FGD3: variants seen among roughly 807,000 people sequenced by gnomAD.
FGD3 encodes the protein FYVE, RhoGEF and PH domain containing 3.
FGD3 carries 45 observed loss-of-function variants against 71.8 expected under a neutral mutation model. The observed-to-expected ratio is 0.63, with a 90% CI of 0.49 to 0.80. The LOEUF (loss-of-function observed/expected upper bound fraction) is 0.80, where lower values mean the gene tolerates loss of function less well. Among genes scored for constraint, FGD3 ranks in the 30% least tolerant of loss-of-function variants. The pLI, the probability that FGD3 is intolerant of heterozygous loss-of-function variation, is 0.00. For missense variants in FGD3, 844 were observed against 951.5 expected, an observed-to-expected ratio of 0.89 and a Z score of 1.49; for synonymous variants, 378 against 392.8, an observed-to-expected ratio of 0.96 and a Z score of 0.44.
chr9:93,035,384 G>A lies in FGD3; in HGVS notation c.1973G>A (p.Ser658Asn), dbSNP rs1444269728. The A allele has an allele frequency of 2.5e-6, 4 of 1,611,046 alleles. No homozygotes were observed. Among genetic ancestry groups the A allele is most frequent in the Admixed American group, 3.4e-5 (2 of 59,684 alleles). The change falls in exon 18 of 18, where the codon AGT (serine) becomes AAT (asparagine). Residue 658 changes from serine (S) to asparagine (N), a missense_variant. Transcript: ENST00000375482. The part of the protein sequence containing the change: ...RTIPLPSCKL[S>N]VPDPEERLDS... ...ATCCCTCTCCCCAGCTGCAAACTGA[G>A]TGTGCCGGACCCTGAGGAGAGGCTG...
At chr9:92,971,135 G>C (rs1859513134) in intron 1 of FGD3, among the ~76,000 whole-genome samples, 1 of 152,182 alleles carries the variant, frequency 6.6e-6, no homozygotes, top group Admixed American at 6.5e-5. Flanking sequence ...TAAAGACCCT[G>C]TCTCCAAACA....
chr9:92,983,915 A>G (rs569929651), intron 3 of FGD3, among the ~76,000 whole-genome samples: 2 of 152,332 alleles, frequency 1.3e-5, no homozygotes, highest in African/African-American at 4.8e-5. Context: ...TGCTTTCCCT[A>G]CACATCTTGC....
chr9:93,010,761 T>C (rs1861309430), intron 7 of FGD3, among the ~76,000 whole-genome samples: 1 of 150,898 alleles, frequency 6.6e-6, no homozygotes, highest in South Asian at 2.1e-4. Context: ...GTGAGCCCCC[T>C]AGCAGCCCAG....
chr9:93,012,692 TGTG>T (rs1861470372), intron 8 of FGD3, among the ~76,000 whole-genome samples: 1 of 117,022 alleles, frequency 8.5e-6, no homozygotes, highest in Non-Finnish European at 1.9e-5. Flanking sequence ...GGTGGCGGGG[TGTG>T]GGGGGGGGAA....
At chr9:93,012,195 A>G (rs1038541990) in intron 8 of FGD3, among the ~76,000 whole-genome samples, 2 of 152,292 alleles carry the variant, frequency 1.3e-5, no homozygotes, top group African/African-American at 2.4e-5. Context: ...CCAGGGGGAA[A>G]AAAAGGAATT....
intron 1 of FGD3, among the ~76,000 whole-genome samples, chr9:92,963,154 G>A (rs1042732877): frequency 7.9e-5 from 12 of 152,088 alleles, no homozygotes; most frequent in Non-Finnish European, 1.6e-4. Context: ...ACTGTGTCCT[G>A]AGCCTCAGTT....
intron 8 of FGD3, among the ~76,000 whole-genome samples, chr9:93,012,511 G>A (rs905732634): frequency 2.0e-5 from 3 of 152,220 alleles, no homozygotes; most frequent in South Asian, 2.1e-4. Flanking sequence ...AAGGCCAGGC[G>A]TGGTGGCTCA....
chr9:93,015,449 T>G (rs1233173944), intron 9 of FGD3, among the ~76,000 whole-genome samples: 1 of 151,592 alleles, frequency 6.6e-6, no homozygotes, highest in Non-Finnish European at 1.5e-5. Flanking sequence ...AGAGCAAGAC[T>G]CCATCTCAAA....
At chr9:92,987,713 GC>G (rs1860244105) in intron 3 of FGD3, among the ~76,000 whole-genome samples, 2 of 152,190 alleles carry the variant, frequency 1.3e-5, no homozygotes, top group African/African-American at 2.4e-5. Flanking sequence ...CTGTCTGCAT[GC>G]CCAGTGGCCC....
chr9:93,003,005 G>A lies in FGD3; in HGVS notation c.534G>A (p.Leu178=), dbSNP rs1245569818. 6.2e-7 allele frequency: 1 copy of A among 1,614,048 alleles called. No individual in the cohort carries two copies. Among genetic ancestry groups the A allele is most frequent in the Non-Finnish European group, 8.5e-7 (1 of 1,180,042 alleles). ...AGACCTATGTGAAGCGGCTGCACCT[G>A]CTGGACCAGGTAGCCCACATGGCTT... ...TEETYVKRLH[L]LDQVFCTRLT... Residue 178 remains leucine (L), a synonymous_variant, in exon 4 of 18, where the codon CTG becomes CTA. Coordinates refer to ENST00000375482, the MANE Select transcript of FGD3 (RefSeq NM_001083536.2). This position sits in a 1 kb window ranked among gnomAD's most constrained non-coding sequence, Gnocchi z 4.1.
At chr9:92,965,407 C>A (rs1311229012) in intron 1 of FGD3, among the ~76,000 whole-genome samples, 1 of 152,240 alleles carries the variant, frequency 6.6e-6, no homozygotes, top group Non-Finnish European at 1.5e-5. Context: ...AGCCCCAGTA[C>A]AAATCTTCAC....
chr9:92,965,795 C>T (rs149025857), intron 1 of FGD3, among the ~76,000 whole-genome samples: 20 of 152,320 alleles, frequency 1.3e-4, no homozygotes, highest in East Asian at 7.7e-4. Flanking sequence ...GGTGCATGTG[C>T]TGGGAGCTCC....
In FGD3 at chr9:93,006,019, C is replaced by T. The variant is rs367684884; in HGVS notation, c.681-5C>T. 1.8e-5 allele frequency: 29 copies of T among 1,591,864 alleles called. No individual in the cohort carries two copies. Among genetic ancestry groups the T allele is most frequent in the Middle Eastern group, 1.7e-4 (1 of 6,002 alleles). On this transcript the variant is annotated splice_polypyrimidine_tract_variant and splice_region_variant and intron_variant, in intron 5 of 17. Transcript: ENST00000375482. ...ATTTCTCTGATGATTCATTTCTCCA[C>T]GAAGGGACACAAACCCACGGCTCGG...
rs752788836 is a variant in FGD3, at chr9:92,949,195, AG to A, written c.-218+1469del. On this transcript the variant is annotated intron_variant, in intron 1 of 17. Coordinates refer to ENST00000375482, the MANE Select transcript of FGD3 (RefSeq NM_001083536.2). ...CTGTCACCATGAAGCACATGTGCTG[AG>A]GGACTGGTGCCTGGAAAGGGGAGCA... is the stretch of plus-strand genomic sequence containing the variant. Among the ~76,000 whole-genome samples, 114 of 152,258 alleles carry A rather than the reference AG, an allele frequency of 7.5e-4. 1 individual carries two copies. The highest frequency in any genetic ancestry group is 1.0e-3 in the Non-Finnish European group (68 of 68,010).
chr9:92,976,641 G>T lies in FGD3; in HGVS notation c.385G>T (p.Asp129Tyr). 6.2e-7 allele frequency: 1 copy of T among 1,612,578 alleles called. No individual in the cohort carries two copies. Residue 129 changes from aspartate to tyrosine, a missense_variant, in exon 3 of 18, where the codon GAC becomes TAC. Physicochemically the swap from Asp to Tyr is radical, Grantham distance 160 (BLOSUM62 -3). Transcript: ENST00000375482. ...KVTPQEEADS[D>Y]VGEEPDSENT... Reference sequence around the variant, plus strand: ...CACCCCCCAGGAGGAGGCGGACAGCGACGTGGGTGAGGAACCTGACTCTGA... The same window carrying T: ...CACCCCCCAGGAGGAGGCGGACAGCTACGTGGGTGAGGAACCTGACTCTGA...
chr9:93,030,918 G>A (rs952859463), intron 15 of FGD3, among the ~76,000 whole-genome samples: 3 of 152,108 alleles, frequency 2.0e-5, no homozygotes, highest in African/African-American at 7.2e-5. Flanking sequence ...AATGGAAGTG[G>A]ATATATAGGA....
intron 3 of FGD3, among the ~76,000 whole-genome samples, chr9:92,978,597 C>T (rs534094397): frequency 1.7e-3 from 255 of 152,094 alleles, no homozygotes; most frequent in Non-Finnish European, 2.7e-3. Context: ...CAGAGCCTGA[C>T]TGTAATACAT....
intron 1 of FGD3, among the ~76,000 whole-genome samples, chr9:92,965,613 G>A (rs867308524): frequency 2.6e-5 from 4 of 152,258 alleles, no homozygotes; most frequent in East Asian, 1.9e-4. Flanking sequence ...ACACGAGGCC[G>A]AGTGCCCTGC....
chr9:93,017,314 G>C (rs1019311005), intron 10 of FGD3, among the ~76,000 whole-genome samples: 5 of 152,098 alleles, frequency 3.3e-5, no homozygotes, highest in Non-Finnish European at 7.4e-5. Flanking sequence ...CTTAAAAAAA[G>C]GTATTTTCTC....
Sources: gnomAD v4.1 joint callset for allele counts (sites outside exome capture counted in the v4.1 genomes callset) on GRCh38, gnomAD v4.1.1 for gene constraint, Gnocchi (gnomAD v3.1) non-coding constraint, MANE v1.5 for transcripts, NCBI Gene and HGNC (gene_info 2026-07-23, HGNC 2026-07-21) for gene names.